BMPR1B: variants seen among roughly 807,000 people sequenced by gnomAD.
BMPR1B encodes bone morphogenetic protein receptor type-1B.
In BMPR1B, 12 loss-of-function variants were observed where a neutral mutation model predicts 59.1. The ratio of observed to expected loss-of-function variants is 0.20; its 90% CI spans 0.13 to 0.33. BMPR1B has a LOEUF of 0.33. BMPR1B is among the 10% of genes least tolerant of loss of function. The probability of loss-of-function intolerance (pLI) is 1.00; values close to 1 mark genes in which losing one functional copy is unlikely to be tolerated. For missense variants in BMPR1B, 550 were observed against 610.9 expected (o/e 0.90, Z 1.05); for synonymous variants, 237 against 207.3 (o/e 1.14, Z -1.23).
At chr4:94,781,912 G>C (rs1722605012) in intron 1 of BMPR1B, among the ~76,000 whole-genome samples, 1 of 151,850 alleles carries the variant, frequency 6.6e-6, no homozygotes, top group East Asian at 1.9e-4. Flanking sequence ...TTATTTATAT[G>C]CTCTCAAAAT....
chr4:95,037,120 C>T (rs1449943865), intron 3 of BMPR1B, among the ~76,000 whole-genome samples: 1 of 152,134 alleles, frequency 6.6e-6, no homozygotes, highest in Non-Finnish European at 1.5e-5. Context: ...GCTACAGAAG[C>T]TATGAAAGTG....
At chr4:94,990,427 A>G (rs1419305817) in intron 2 of BMPR1B, among the ~76,000 whole-genome samples, 1 of 152,190 alleles carries the variant, frequency 6.6e-6, no homozygotes, top group African/African-American at 2.4e-5. Context: ...TAATGGCCCA[A>G]AAGTGGAAAC....
intron 2 of BMPR1B, among the ~76,000 whole-genome samples, chr4:94,953,300 A>G (rs1359741012): frequency 1.3e-5 from 2 of 152,208 alleles, no homozygotes; most frequent in African/African-American, 4.8e-5. Context: ...TGATCCTGTC[A>G]TTATGAGGCT....
chr4:95,066,383 G>T (rs1032527755), intron 3 of BMPR1B, among the ~76,000 whole-genome samples: 1 of 150,318 alleles, frequency 6.7e-6, no homozygotes, highest in African/African-American at 2.4e-5. Context: ...CATTACTGGG[G>T]AGGGAAAACG....
chr4:95,032,520 A>T (rs1689581895), intron 3 of BMPR1B, among the ~76,000 whole-genome samples: 1 of 152,030 alleles, frequency 6.6e-6, no homozygotes, highest in Non-Finnish European at 1.5e-5. Flanking sequence ...TTAAACAACT[A>T]CTTCCTATTT....
chr4:94,834,003 G>A (rs1195048664), intron 1 of BMPR1B, among the ~76,000 whole-genome samples: 2 of 152,170 alleles, frequency 1.3e-5, no homozygotes, highest in Non-Finnish European at 2.9e-5. Context: ...GTGATGTTTG[G>A]TTTTGTTGAT....
intron 6 of BMPR1B, among the ~76,000 whole-genome samples, chr4:95,123,197 G>A (rs1040420361): frequency 6.6e-6 from 1 of 152,052 alleles, no homozygotes; most frequent in Non-Finnish European, 1.5e-5. Context: ...ACATTCTTTG[G>A]CTGGAACATA....
chr4:94,838,595 C>T (rs201278003), intron 1 of BMPR1B, among the ~76,000 whole-genome samples: 23,729 of 138,718 alleles, frequency 0.17, 3,608 homozygotes, highest in Non-Finnish European at 0.21. Flanking sequence ...TCTGTTGGAT[C>T]GGTGGTGATA....
intron 3 of BMPR1B, among the ~76,000 whole-genome samples, chr4:95,018,912 A>C (rs1176759986): frequency 1.3e-5 from 2 of 152,164 alleles, no homozygotes; most frequent in Non-Finnish European, 2.9e-5. Context: ...AATTAATGGG[A>C]TAGCAAGGGG....
intron 2 of BMPR1B, among the ~76,000 whole-genome samples, chr4:94,922,247 T>C (rs777071253): frequency 1.6e-4 from 24 of 152,130 alleles, no homozygotes; most frequent in Non-Finnish European, 2.8e-4. Context: ...AATGCTGGGA[T>C]TACAGGCATG....
At chr4:94,962,096 CTTCCTTCCTTCCTTCCTTCCTTCCTTCT>C (rs1459562670) in intron 2 of BMPR1B, among the ~76,000 whole-genome samples, 12 of 133,612 alleles carry the variant, frequency 9.0e-5, no homozygotes, top group African/African-American at 3.8e-4. Context: ...TCCTTCCTTC[CTTCCTTCCTTCCTTCCTTCCTTCCTTCT>C]TTCCTTCCTT....
At chr4:94,921,385 A>T (rs1017263282) in intron 2 of BMPR1B, among the ~76,000 whole-genome samples, 5 of 152,148 alleles carry the variant, frequency 3.3e-5, no homozygotes, top group African/African-American at 4.8e-5. Flanking sequence ...TTTATAAATA[A>T]GAGGTTTAAT....
At chr4:95,092,338 A>C (rs1344894456) in intron 3 of BMPR1B, among the ~76,000 whole-genome samples, 1 of 152,102 alleles carries the variant, frequency 6.6e-6, no homozygotes, top group Non-Finnish European at 1.5e-5. Flanking sequence ...TGTGACGCAC[A>C]ACAGATAAGT....
intron 3 of BMPR1B, among the ~76,000 whole-genome samples, chr4:95,016,494 C>T (rs1264771247): frequency 2.0e-5 from 3 of 152,106 alleles, no homozygotes; most frequent in Non-Finnish European, 4.4e-5. Flanking sequence ...GAAACTACCA[C>T]TTCTTGAATT....
At chr4:94,777,854 T>C (rs6836126) in intron 1 of BMPR1B, among the ~76,000 whole-genome samples, 119,708 of 151,834 alleles carry the variant, frequency 0.79, 47,185 homozygotes, top group Middle Eastern at 0.83. Flanking sequence ...GATGAAACCC[T>C]GTCTCTACTA....
chr4:94,894,813 C>G (rs545557777), intron 2 of BMPR1B, among the ~76,000 whole-genome samples: 2 of 151,214 alleles, frequency 1.3e-5, no homozygotes, highest in East Asian at 3.9e-4. Flanking sequence ...AGAAGCAGCT[C>G]TGTATGCTAG....
chr4:94,834,494 C>T (rs1197710207), intron 1 of BMPR1B, among the ~76,000 whole-genome samples: 1 of 150,116 alleles, frequency 6.7e-6, no homozygotes, highest in African/African-American at 2.5e-5. Flanking sequence ...TTTTGAAAAG[C>T]CAAGGAAGGA....
At chr4:94,897,941 CTTTTTTTTTTTTTTT>C (rs869186341) in intron 2 of BMPR1B, among the ~76,000 whole-genome samples, 1 of 90,334 alleles carries the variant, frequency 1.1e-5, no homozygotes, top group Non-Finnish European at 2.2e-5. Flanking sequence ...AATTCTTTTC[CTTTTTTTTTTTTTTT>C]TTTTTTTTTG....
intron 3 of BMPR1B, among the ~76,000 whole-genome samples, chr4:95,026,166 T>TTTTTTC (rs1724402889): frequency 3.3e-5 from 1 of 30,514 alleles, no homozygotes; most frequent in African/African-American, 9.6e-5. Flanking sequence ...TTCTTTCTCT[T>TTTTTTC]TTTCTCTTTC....
Sources: allele counts gnomAD v4.1 joint callset (sites outside exome capture counted in the v4.1 genomes callset), GRCh38; gene constraint gnomAD v4.1.1; transcripts MANE v1.5; gene names NCBI Gene and HGNC (gene_info 2026-07-23, HGNC 2026-07-21).